CELF1: variants seen among roughly 807,000 people sequenced by gnomAD.
CELF1 encodes the protein CUGBP Elav-like family member 1, also known as 50 kDa nuclear polyadenylated RNA-binding protein.
A neutral mutation model predicts 61.8 loss-of-function variants in CELF1; 10 were observed. The observed-to-expected ratio is 0.16, with a 90% CI of 0.10 to 0.27. The LOEUF (loss-of-function observed/expected upper bound fraction) is 0.27, where lower values mean the gene tolerates loss of function less well. Ranked by LOEUF, CELF1 falls within the 10% of genes least tolerant of loss-of-function variation. CELF1 has a pLI of 1.00. For missense variants in CELF1, 380 were observed against 639.1 expected (o/e 0.59, Z 4.37); for synonymous variants, 236 against 225.1 (o/e 1.05, Z -0.43).
rs936338246 is a variant in CELF1, at chr11:47,552,493, C to G, written c.-154+499G>C. On this transcript the variant is annotated intron_variant, in intron 1 of 14. Coordinates refer to ENST00000687097, the MANE Select transcript of CELF1 (RefSeq NM_001376376.1). The stretch of plus-strand genomic sequence containing the variant: ...GCCGTAGCGGATCTGGGGCGAGGAA[C>G]GAGGGGCTCTCGAGGCTCGGGAAAA... Among the ~76,000 whole-genome samples, 3 of 152,190 alleles carry G rather than the reference C, an allele frequency of 2.0e-5. No individual in the cohort carries two copies. The East Asian group carries it at 5.8e-4, about 29-fold the overall frequency.
At chr11:47,552,394 C>T (rs1271621449) in intron 1 of CELF1, among the ~76,000 whole-genome samples, 1 of 152,248 alleles carries the variant, frequency 6.6e-6, no homozygotes, top group African/African-American at 2.4e-5. Flanking sequence ...CTCCCGCTCC[C>T]GGGTGCGAGA....
chr11:47,488,025 T>C (rs2088691862), intron 4 of CELF1, among the ~76,000 whole-genome samples: 1 of 152,254 alleles, frequency 6.6e-6, no homozygotes, highest in African/African-American at 2.4e-5. Context: ...GAAACTATTA[T>C]ACTTTATATT....
intron 1 of CELF1, among the ~76,000 whole-genome samples, chr11:47,545,905 G>GTGTGTGTA (rs1555191627): frequency 1.2e-4 from 13 of 109,240 alleles, no homozygotes; most frequent in East Asian, 2.9e-4. Context: ...GTGTGTGTGT[G>GTGTGTGTA]TATATATATA....
chr11:47,516,275 T>C (rs2095547846), intron 1 of CELF1, among the ~76,000 whole-genome samples: 1 of 152,116 alleles, frequency 6.6e-6, no homozygotes, highest in Non-Finnish European at 1.5e-5. Context: ...TTGGTCAAGA[T>C]CATAATAAGT....
At chr11:47,509,258 T>C (rs1165269279) in intron 1 of CELF1, among the ~76,000 whole-genome samples, 4 of 152,176 alleles carry the variant, frequency 2.6e-5, no homozygotes, top group Non-Finnish European at 5.9e-5. Flanking sequence ...ACATGCTCTG[T>C]GAGAAAGCCT....
At chr11:47,511,717 G>C (rs1344904498) in intron 1 of CELF1, among the ~76,000 whole-genome samples, 5 of 152,174 alleles carry the variant, frequency 3.3e-5, no homozygotes, top group Non-Finnish European at 7.3e-5. Context: ...AAAAGATACA[G>C]AGATGAAATG....
At chr11:47,504,220 A>G (rs1412206271) in intron 1 of CELF1, among the ~76,000 whole-genome samples, 1 of 152,092 alleles carries the variant, frequency 6.6e-6, no homozygotes, top group African/African-American at 2.4e-5. Context: ...GTTTTCCATA[A>G]GAATCTAGAC....
chr11:47,561,697 T>C (rs1271374582), intron 2 of CELF1, among the ~76,000 whole-genome samples: 1 of 152,086 alleles, frequency 6.6e-6, no homozygotes, highest in Non-Finnish European at 1.5e-5. Context: ...AATGAAAACC[T>C]ATGTCCGTAA....
chr11:47,526,706 T>G (rs529463461), intron 1 of CELF1, among the ~76,000 whole-genome samples: 2 of 152,118 alleles, frequency 1.3e-5, no homozygotes, highest in African/African-American at 4.8e-5. Flanking sequence ...ATGGTGGAAC[T>G]AGAAATGTTT....
chr11:47,538,999 T>G (rs115132983), intron 1 of CELF1, among the ~76,000 whole-genome samples: 1 of 152,140 alleles, frequency 6.6e-6, no homozygotes, highest in Non-Finnish European at 1.5e-5. Context: ...ACCCACATTA[T>G]TGTGTTCCAC....
chr11:47,565,531 G>T, upstream of CELF1: 1 of 1,115,148 alleles, frequency 9.0e-7, no homozygotes, highest in Non-Finnish European at 1.1e-6. Flanking sequence ...GCCTAGTGCA[G>T]CTGGCAGCCC....
chr11:47,529,659 G>A (rs750515612), intron 1 of CELF1, among the ~76,000 whole-genome samples: 2 of 151,634 alleles, frequency 1.3e-5, no homozygotes, highest in South Asian at 2.1e-4. Context: ...ACTCCGACTC[G>A]GGAAAAAAAA....
At chr11:47,476,712 C>G in intron 12 of CELF1, 134 bp downstream of exon 12, 1 of 693,150 alleles carries the variant, frequency 1.4e-6, no homozygotes, top group Non-Finnish European at 2.5e-6. Flanking sequence ...AGGTGTGAGC[C>G]ACCACACCTG....
intron 1 of CELF1, among the ~76,000 whole-genome samples, chr11:47,522,472 A>G (rs1409600482): frequency 6.6e-6 from 1 of 151,054 alleles, no homozygotes; most frequent in African/African-American, 2.4e-5. Flanking sequence ...GTGAGCTGAG[A>G]TTGTGCCATT....
chr11:47,551,910 T>A (rs1389603902), intron 1 of CELF1, among the ~76,000 whole-genome samples: 1 of 151,350 alleles, frequency 6.6e-6, no homozygotes, highest in Non-Finnish European at 1.5e-5. Context: ...CCCAGCTACT[T>A]GGGAGGCTGA....
chr11:47,473,163 T>A lies in CELF1; in HGVS notation c.1342A>T (p.Met448Leu). 6.2e-7 allele frequency: 1 copy of A among 1,614,058 alleles called. No homozygotes were observed. Among genetic ancestry groups the A allele is most frequent in the Non-Finnish European group, 8.5e-7 (1 of 1,180,006 alleles). ...ACGACATTCCCAAAGGGCATAAACA[T>A]CTGCAGCAGGTCCTGATCACCAAAC... ...QEFGDQDLLQMFMPFGNVVSA... is the reference protein window; with the variant it reads ...QEFGDQDLLQLFMPFGNVVSA... The change falls in exon 14 of 15, where the codon ATG becomes TTG. Residue 448 changes from methionine (M) to leucine (L), a missense_variant. Coordinates refer to ENST00000687097, the MANE Select transcript of CELF1 (RefSeq NM_001376376.1).
At chr11:47,495,348 C>T (rs1015352081) in intron 3 of CELF1, among the ~76,000 whole-genome samples, 4 of 152,042 alleles carry the variant, frequency 2.6e-5, no homozygotes, top group South Asian at 2.1e-4. Flanking sequence ...AATCTACAGA[C>T]AGAAAGTAGG....
chr11:47,552,837 C>T (rs2097178419), intron 1 of CELF1, among the ~76,000 whole-genome samples, 155 bp downstream of exon 1: 1 of 152,144 alleles, frequency 6.6e-6, no homozygotes, highest in Non-Finnish European at 1.5e-5. Flanking sequence ...AGATCGCAGC[C>T]CTACCCCAGG....
intron 1 of CELF1, among the ~76,000 whole-genome samples, chr11:47,533,529 G>A (rs1336470719): frequency 2.0e-5 from 3 of 152,164 alleles, no homozygotes; most frequent in Non-Finnish European, 4.4e-5. Flanking sequence ...GGCTGAGGCA[G>A]GAGAACTGCT....
Sources: gnomAD v4.1 joint callset for allele counts (sites outside exome capture counted in the v4.1 genomes callset) on GRCh38, gnomAD v4.1.1 for gene constraint, MANE v1.5 for transcripts, NCBI Gene and HGNC (gene_info 2026-07-23, HGNC 2026-07-21) for gene names.